Variants in ZDHHC17 observed in about 807,000 individuals in gnomAD.
ZDHHC17 encodes the protein palmitoyltransferase ZDHHC17.
Under a neutral mutation model 90.3 loss-of-function variants are expected in ZDHHC17, and 40 were observed. The ratio of observed to expected loss-of-function variants is 0.44; its 90% CI spans 0.34 to 0.58. ZDHHC17 has a LOEUF of 0.58. ZDHHC17 is among the 20% of genes least tolerant of loss of function. The pLI is 0.01. For synonymous variants in ZDHHC17, 235 were observed against 252.4 expected, an observed-to-expected ratio of 0.93 and a Z score of 0.65; for missense variants, 614 against 780.8, an observed-to-expected ratio of 0.79 and a Z score of 2.55.
intron 15 of ZDHHC17, among the ~76,000 whole-genome samples, chr12:76,849,148 A>C (rs1472344197): frequency 3.5e-5 from 5 of 144,010 alleles, no homozygotes; most frequent in South Asian, 2.2e-4. Context: ...AAAACCCAAC[A>C]AAAAAAAGAA....
chr12:76,767,879 C>T (rs1952449977), intron 1 of ZDHHC17, among the ~76,000 whole-genome samples: 1 of 151,824 alleles, frequency 6.6e-6, no homozygotes, highest in South Asian at 2.1e-4. Flanking sequence ...AGATTGCACT[C>T]CAGCCTGGGC....
chr12:76,835,556 G>A lies in ZDHHC17; in HGVS notation c.1142-6426G>A, dbSNP rs147727386. ...TTTTTTATTTTTAATTAAAATTTCT[G>A]TTTGTGTCTGGGTTATAGAAATGTA... On this transcript the variant is annotated intron_variant, in intron 10 of 16. Transcript: ENST00000426126. Among the ~76,000 whole-genome samples the A allele has an allele frequency of 2.6e-5, 4 of 151,800 alleles. No homozygotes were observed. In the East Asian group the frequency reaches 7.7e-4, roughly 29 times the overall value.
chr12:76,848,637 G>A (rs149828917), intron 15 of ZDHHC17, among the ~76,000 whole-genome samples: 2 of 152,216 alleles, frequency 1.3e-5, no homozygotes, highest in Non-Finnish European at 2.9e-5. Context: ...ACATCCAGTT[G>A]AGTATGTGTG....
chr12:76,850,917 G>T lies in ZDHHC17; in HGVS notation c.1831G>T (p.Val611Leu). 1 of 1,613,804 alleles carries T rather than the reference G, an allele frequency of 6.2e-7. No homozygotes were observed. The highest frequency in any genetic ancestry group is 8.5e-7 in the Non-Finnish European group (1 of 1,179,860). ...RCCGLFRPVI[V>L]DWTRQYTIEY... ...CTGTGGCCTCTTTCGTCCTGTTATCGTGGACTGGACCAGGCAGTATACAAT... is the reference window on the plus strand; with the variant it reads ...CTGTGGCCTCTTTCGTCCTGTTATCTTGGACTGGACCAGGCAGTATACAAT... Residue 611 changes from valine to leucine, a missense_variant, in exon 17 of 17, where the codon GTG becomes TTG. By Grantham distance (32) the Val-to-Leu change is conservative. Around this residue, in one of 5 missense-constraint regions of ZDHHC17, gnomAD observed 111 missense variants for 179.8 expected, o/e 0.62. Coordinates refer to ENST00000426126, the MANE Select transcript of ZDHHC17 (RefSeq NM_015336.4).
chr12:76,849,339 A>AAC, intron 15 of ZDHHC17, 37 bp from the exon 16 acceptor site: 1 of 1,137,252 alleles, frequency 8.8e-7, no homozygotes, highest in Non-Finnish European at 1.2e-6. Flanking sequence ...AAAAAAAAAA[A>AAC]AACAAGAATA....
At position 76,851,569 on chromosome 12, in the gene ZDHHC17, T is replaced by G. The variant is rs1009968493; in HGVS notation, c.*584T>G. On this transcript the variant is annotated 3_prime_UTR_variant, in exon 17 of 17. Transcript: ENST00000426126. ...ACAATAAAATGTGCTAACAATGTTT[T>G]GTTTCTATCAGCTGTTGCAATGCTG... 1 of 152,784 alleles carries G rather than the reference T, an allele frequency of 6.5e-6. No homozygotes were observed. The highest frequency in any genetic ancestry group is 2.4e-5 in the African/African-American group (1 of 41,466). 9.5% of individuals were successfully genotyped at this position (152,784 alleles called of 1,614,324 possible).
chr12:76,838,533 A>G (rs1488150080), intron 10 of ZDHHC17, among the ~76,000 whole-genome samples: 8 of 152,188 alleles, frequency 5.3e-5, no homozygotes, highest in Non-Finnish European at 1.2e-4. Flanking sequence ...TCTGTAGCCT[A>G]AGAAAAAGAG....
chr12:76,813,279 T>A, intron 5 of ZDHHC17: 1 of 422,272 alleles, frequency 2.4e-6, no homozygotes, highest in Non-Finnish European at 4.7e-6. Flanking sequence ...AAGTTTGTTG[T>A]TTCTTCAGAA....
chr12:76,797,611 A>G (rs926052740), intron 2 of ZDHHC17, 74 bp downstream of exon 2: 1 of 1,211,180 alleles, frequency 8.3e-7, no homozygotes, highest in South Asian at 1.6e-5. Context: ...TAACAGTCAT[A>G]TTACTTTGGG....
chr12:76,779,919 T>C (rs1250558726), intron 1 of ZDHHC17, among the ~76,000 whole-genome samples: 1 of 152,142 alleles, frequency 6.6e-6, no homozygotes, highest in African/African-American at 2.4e-5. Flanking sequence ...GTGGTACATC[T>C]CTTCCATTGA....
At chr12:76,849,992 C>T (rs1225836211) in intron 16 of ZDHHC17, among the ~76,000 whole-genome samples, 1 of 152,148 alleles carries the variant, frequency 6.6e-6, no homozygotes, top group East Asian at 1.9e-4. Flanking sequence ...ATGATCTCGG[C>T]TCACTGCTAC....
At chr12:76,795,500 A>G (rs1952809260) in intron 1 of ZDHHC17, among the ~76,000 whole-genome samples, 1 of 152,144 alleles carries the variant, frequency 6.6e-6, no homozygotes, top group East Asian at 1.9e-4. Context: ...TCTTACAGCC[A>G]TATAGATGTC....
chr12:76,799,298 A>G (rs1048512604), intron 2 of ZDHHC17, among the ~76,000 whole-genome samples: 2 of 152,232 alleles, frequency 1.3e-5, no homozygotes, highest in Admixed American at 6.5e-5. Context: ...CAGTAGGTCA[A>G]CTAAGTAAAA....
chr12:76,834,230 G>T (rs1406625215), intron 10 of ZDHHC17, among the ~76,000 whole-genome samples: 1 of 152,002 alleles, frequency 6.6e-6, no homozygotes, highest in African/African-American at 2.4e-5. Context: ...CTCTGACTAT[G>T]CTTCTTTTAT....
At chr12:76,789,348 A>G (rs1952732246) in intron 1 of ZDHHC17, among the ~76,000 whole-genome samples, 1 of 152,178 alleles carries the variant, frequency 6.6e-6, no homozygotes, top group Non-Finnish European at 1.5e-5. Context: ...TAGGATTCCC[A>G]CCCTGTCATA....
intron 7 of ZDHHC17, chr12:76,821,144 AC>A (rs1953159106): frequency 7.8e-7 from 1 of 1,282,002 alleles, no homozygotes; most frequent in Non-Finnish European, 1.0e-6. Context: ...GGGAGTTGTT[AC>A]CCAAGGGATT....
At position 76,815,897 on chromosome 12, in the gene ZDHHC17, G is replaced by C; in HGVS notation, c.649G>C (p.Val217Leu). Reference sequence around the variant, plus strand: ...ATTGCTTTTAACATTCAATGTTTCAGTTAACCTTGGTGACAAGTATCACAA... The same window carrying C: ...ATTGCTTTTAACATTCAATGTTTCACTTAACCTTGGTGACAAGTATCACAA... The part of the protein sequence containing the change: ...TRLLLTFNVS[V>L]NLGDKYHKNT... Residue 217 changes from valine (V) to leucine (L), a missense_variant, in exon 7 of 17, where the codon GTT becomes CTT. Around this residue, in one of 5 missense-constraint regions of ZDHHC17, gnomAD observed 358 missense variants for 380.4 expected, o/e 0.94. Transcript: ENST00000426126. 1.3e-6 allele frequency: 2 copies of C among 1,565,634 alleles called. No individual in the cohort carries two copies. The highest frequency in any genetic ancestry group is 1.7e-6 in the Non-Finnish European group (2 of 1,154,982).
At position 76,848,678 on chromosome 12, in the gene ZDHHC17, G is replaced by A. The variant is rs567383588; in HGVS notation, c.1665+288G>A. Among the ~76,000 whole-genome samples the A allele has an allele frequency of 2.0e-5, 3 of 152,142 alleles. 1 individual carries two copies. In the South Asian group the frequency reaches 6.2e-4, roughly 32 times the overall value. ...AGATTGATGATGACATTAATTTTGT[G>A]TTTTTAATGGTATTTTTATTCACAA... On this transcript the variant is annotated intron_variant, in intron 15 of 16. Transcript: ENST00000426126.
At chr12:76,781,298 G>A (rs1222253792) in intron 1 of ZDHHC17, among the ~76,000 whole-genome samples, 2 of 152,200 alleles carry the variant, frequency 1.3e-5, no homozygotes, top group East Asian at 3.8e-4. Context: ...AACTTTTACA[G>A]ATGAGACCCA....
Sources: gnomAD v4.1 joint callset for allele counts (sites outside exome capture counted in the v4.1 genomes callset) on GRCh38, gnomAD v4.1.1 for gene constraint, gnomAD v4.1.1 regional missense constraint, MANE v1.5 for transcripts, NCBI Gene and HGNC (gene_info 2026-07-23, HGNC 2026-07-21) for gene names.